The following PTPRT variants were observed in gnomAD, a reference collection of about 807,000 sequenced individuals.
PTPRT encodes the protein receptor-type tyrosine-protein phosphatase T.
Under a neutral mutation model 176.8 loss-of-function variants are expected in PTPRT, and 56 were observed. The ratio of observed to expected loss-of-function variants is 0.32; its 90% CI spans 0.26 to 0.40. The LOEUF (loss-of-function observed/expected upper bound fraction) is 0.40, where lower values mean the gene tolerates loss of function less well. Among genes scored for constraint, PTPRT ranks in the 10% least tolerant of loss-of-function variants. The pLI is 1.00. For synonymous variants in PTPRT, 783 were observed against 739.0 expected (o/e 1.06, Z -0.96); for missense variants, 1,540 against 1,908.2 (o/e 0.81, Z 3.60).
intron 1 of PTPRT, among the ~76,000 whole-genome samples, chr20:42,902,395 C>T (rs937909039): frequency 2.6e-5 from 4 of 152,144 alleles, no homozygotes; most frequent in Admixed American, 1.3e-4. Flanking sequence ...CCCCACTCCA[C>T]ATCTCAGCTC....
At chr20:42,742,945 C>T (rs553879534) in intron 6 of PTPRT, among the ~76,000 whole-genome samples, 9 of 152,310 alleles carry the variant, frequency 5.9e-5, no homozygotes, top group Admixed American at 1.3e-4. Flanking sequence ...CCTCCCCTTA[C>T]GAAGGGCCTT....
chr20:42,236,321 A>T, intron 14 of PTPRT, 63 bp from the exon 15 acceptor site: 4 of 1,296,230 alleles, frequency 3.1e-6, no homozygotes, highest in Non-Finnish European at 4.4e-6. Flanking sequence ...GAAAAGACAA[A>T]CAAACAAGAA....
At chr20:42,337,208 A>G (rs897742519) in intron 11 of PTPRT, among the ~76,000 whole-genome samples, 1 of 152,148 alleles carries the variant, frequency 6.6e-6, no homozygotes, top group African/African-American at 2.4e-5. Context: ...GTCAAGCCTC[A>G]CCTGGAAGTC....
intron 14 of PTPRT, among the ~76,000 whole-genome samples, chr20:42,246,361 A>G (rs763643699): frequency 3.3e-5 from 5 of 152,084 alleles, no homozygotes; most frequent in Non-Finnish European, 7.4e-5. Context: ...TAGGCCAACA[A>G]AATGTCTTAT....
rs115707644 is a variant in PTPRT, at chr20:43,162,561, A to C, written c.88+27085T>G. Among the ~76,000 whole-genome samples the C allele has an allele frequency of 6.3e-3, 958 of 152,360 alleles. 12 individuals carry two copies. Among genetic ancestry groups the C allele is most frequent in the African/African-American group, 0.022 (910 of 41,584 alleles). ...GTCCCATCCTGGGCCACTAAAGCAC[A>C]CAACGATCAATGCCCCAACACATAA... On this transcript the variant is annotated intron_variant, in intron 1 of 30. Transcript: ENST00000373187.
chr20:42,186,490 A>G (rs1473392205), intron 16 of PTPRT, among the ~76,000 whole-genome samples: 4 of 151,740 alleles, frequency 2.6e-5, no homozygotes, highest in Non-Finnish European at 4.4e-5. Flanking sequence ...TGGTAGAAGG[A>G]GTGTGACAAA....
intron 6 of PTPRT, 24 bp from the exon 7 acceptor site, chr20:42,678,183 G>A (rs765432168): frequency 1.1e-5 from 17 of 1,600,424 alleles, no homozygotes; most frequent in Middle Eastern, 1.7e-4. Flanking sequence ...AATCAAAAAG[G>A]ACTGTCAGAT....
intron 1 of PTPRT, among the ~76,000 whole-genome samples, chr20:42,935,591 G>C (rs1980137332): frequency 6.6e-6 from 1 of 152,118 alleles, no homozygotes; most frequent in African/African-American, 2.4e-5. Context: ...ATTATGATCA[G>C]AGCCTCTCTC....
intron 7 of PTPRT, among the ~76,000 whole-genome samples, chr20:42,582,158 G>T (rs1375875924): frequency 6.6e-6 from 1 of 152,186 alleles, no homozygotes; most frequent in Non-Finnish European, 1.5e-5. Context: ...TCTGAATCTG[G>T]TCTGTTCTGT....
chr20:42,909,580 A>G (rs1483692880), intron 1 of PTPRT, among the ~76,000 whole-genome samples: 1 of 152,216 alleles, frequency 6.6e-6, no homozygotes, highest in Non-Finnish European at 1.5e-5. Flanking sequence ...ATTCTCCCAC[A>G]GATACACAAG....
chr20:42,071,349 T>A (rs771649981), downstream of PTPRT, among the ~76,000 whole-genome samples: 1 of 152,248 alleles, frequency 6.6e-6, no homozygotes, highest in Non-Finnish European at 1.5e-5. Context: ...GGCAGCCTCA[T>A]GTCCCAGTTT....
chr20:43,146,824 C>T (rs567906216), intron 1 of PTPRT, among the ~76,000 whole-genome samples: 1 of 152,188 alleles, frequency 6.6e-6, no homozygotes, highest in South Asian at 2.1e-4. Context: ...CCCTGTGGAC[C>T]CTACTTTAGA....
intron 7 of PTPRT, among the ~76,000 whole-genome samples, chr20:42,516,354 T>A (rs767917646): frequency 3.3e-4 from 50 of 152,150 alleles, no homozygotes; most frequent in South Asian, 8.3e-4. Context: ...ACTATGTTCA[T>A]CCCTTTTACC....
chr20:43,021,810 G>GAA (rs3092422), intron 1 of PTPRT, among the ~76,000 whole-genome samples: 82,715 of 142,466 alleles, frequency 0.58, 26,611 homozygotes, highest in South Asian at 0.74. Flanking sequence ...GGAGATACAG[G>GAA]AAAAAAAAAA....
chr20:42,601,285 C>T (rs1258365294), intron 7 of PTPRT, among the ~76,000 whole-genome samples: 1 of 152,210 alleles, frequency 6.6e-6, no homozygotes, highest in Non-Finnish European at 1.5e-5. Context: ...CTTCTACCTG[C>T]ACCATCACCC....
At chr20:42,246,256 A>G (rs2056449085) in intron 14 of PTPRT, among the ~76,000 whole-genome samples, 1 of 152,098 alleles carries the variant, frequency 6.6e-6, no homozygotes, top group Non-Finnish European at 1.5e-5. Flanking sequence ...GTTAGTGGAA[A>G]GAGTGCAGGC....
intron 2 of PTPRT, among the ~76,000 whole-genome samples, chr20:42,816,220 G>A (rs923684524): frequency 6.6e-6 from 1 of 152,190 alleles, no homozygotes; most frequent in Non-Finnish European, 1.5e-5. Flanking sequence ...TAGCTCAGAT[G>A]CTATGATAAA....
intron 1 of PTPRT, among the ~76,000 whole-genome samples, chr20:43,097,051 G>A (rs1198156457): frequency 6.6e-6 from 1 of 152,194 alleles, no homozygotes; most frequent in Non-Finnish European, 1.5e-5. Context: ...CAGAACACGA[G>A]GCCAAACCAG....
chr20:42,806,639 G>A (rs1409450458), intron 2 of PTPRT, among the ~76,000 whole-genome samples: 1 of 152,102 alleles, frequency 6.6e-6, no homozygotes, highest in Non-Finnish European at 1.5e-5. Context: ...AAAAGTTTTT[G>A]TTAACAACTA....
Sources: allele counts gnomAD v4.1 joint callset (sites outside exome capture counted in the v4.1 genomes callset), GRCh38; gene constraint gnomAD v4.1.1; transcripts MANE v1.5; gene names NCBI Gene and HGNC (gene_info 2026-07-23, HGNC 2026-07-21).